Variants in ACER1 observed in about 807,000 individuals in gnomAD.
ACER1 encodes CTB-180A7.3.
In ACER1, 28 loss-of-function variants were observed where a neutral mutation model predicts 24.9. The observed-to-expected ratio is 1.13, with a 90% confidence interval of 0.83 to 1.54. The LOEUF (loss-of-function observed/expected upper bound fraction) is 1.54. ACER1 is among the 40% of genes most tolerant of loss of function. ACER1 has a pLI of 0.00. For missense variants in ACER1, 352 were observed against 349.3 expected (o/e 1.01, Z -0.06); for synonymous variants, 132 against 131.4 (o/e 1.00, Z -0.03).
chr19:6,307,069 C>T (rs2091555944), intron 5 of ACER1, 84 bp downstream of exon 5: 1 of 1,574,088 alleles, frequency 6.4e-7, no homozygotes, highest in Non-Finnish European at 8.6e-7. Context: ...TTCTCCAACC[C>T]CAGCCCCCAG....
chr19:6,344,458 T>G, the ACER1 span, among the ~76,000 whole-genome samples: 5 of 151,678 alleles, frequency 3.3e-5, no homozygotes, highest in Non-Finnish European at 4.4e-5. Context: ...ATAAATAAAT[T>G]TATTTATTTA....
chr19:6,347,109 A>AAAAAAAAAATATATATATATATAT, the ACER1 span, among the ~76,000 whole-genome samples: 1 of 113,778 alleles, frequency 8.8e-6, no homozygotes, highest in African/African-American at 5.1e-5. Context: ...AAAAAAAAAA[A>AAAAAAAAAATATATATATATATAT]ATATATATAT....
At chr19:6,320,024 C>T (rs745989107) in intron 1 of ACER1, among the ~76,000 whole-genome samples, 1 of 149,654 alleles carries the variant, frequency 6.7e-6, no homozygotes, top group Non-Finnish European at 1.5e-5. Context: ...ACAGGAGAAT[C>T]GCTTGAACGT....
chr19:6,357,687 G>A, the ACER1 span, among the ~76,000 whole-genome samples: 23 of 151,658 alleles, frequency 1.5e-4, no homozygotes, highest in Admixed American at 1.4e-3. Context: ...CGCTTGAACC[G>A]GAGAGGCAGA....
the ACER1 span, among the ~76,000 whole-genome samples, chr19:6,345,392 C>T: frequency 6.6e-6 from 1 of 152,036 alleles, no homozygotes; most frequent in East Asian, 1.9e-4. Flanking sequence ...GATTCAAGCA[C>T]ATTACATTTA....
At chr19:6,331,453 A>T in intron 1 of ACER1, among the ~76,000 whole-genome samples, 3 of 147,310 alleles carry the variant, frequency 2.0e-5, no homozygotes, top group African/African-American at 7.5e-5. Context: ...CCAGCCAGCA[A>T]GCACTCTTCT....
chr19:6,337,645 TTTTCTTTCTTTCTTTC>T (rs1568315504), upstream of ACER1, among the ~76,000 whole-genome samples: 2 of 96,146 alleles, frequency 2.1e-5, no homozygotes, highest in African/African-American at 1.1e-4. Context: ...TTTTCTTTTC[TTTTCTTTCTTTCTTTC>T]TTTTTTTTTT....
the ACER1 span, among the ~76,000 whole-genome samples, chr19:6,358,806 G>A: frequency 1.3e-5 from 2 of 151,142 alleles, no homozygotes; most frequent in Non-Finnish European, 2.9e-5. Flanking sequence ...GGTGGTGGGC[G>A]CCTGTAATCC....
At chr19:6,337,046 C>T (rs1016974563), upstream of ACER1, among the ~76,000 whole-genome samples, 2 of 151,138 alleles carry the variant, frequency 1.3e-5, no homozygotes, top group Admixed American at 6.6e-5. Context: ...TGTGGTGGCA[C>T]GCGCCTGTAA....
At chr19:6,358,185 C>T in the ACER1 span, among the ~76,000 whole-genome samples, 3 of 152,202 alleles carry the variant, frequency 2.0e-5, no homozygotes, top group Admixed American at 6.5e-5. Context: ...TGCCCTCCTA[C>T]CTCCTCAATC....
At chr19:6,327,353 C>T (rs1456813046) in intron 1 of ACER1, among the ~76,000 whole-genome samples, 1 of 152,062 alleles carries the variant, frequency 6.6e-6, no homozygotes, top group Non-Finnish European at 1.5e-5. Context: ...ATCACAAAGT[C>T]AGGAGATCGA....
the ACER1 span, among the ~76,000 whole-genome samples, chr19:6,355,405 T>C: frequency 1.9e-5 from 2 of 106,218 alleles, no homozygotes. Flanking sequence ...CGCGACCCCA[T>C]CTGGGAGGTG....
At chr19:6,323,047 G>A (rs1233927965) in intron 1 of ACER1, among the ~76,000 whole-genome samples, 2 of 152,092 alleles carry the variant, frequency 1.3e-5, no homozygotes, top group Non-Finnish European at 2.9e-5. Flanking sequence ...GGGAGGCAGA[G>A]GTTTCGGTGA....
At chr19:6,318,050 G>A (rs956986174) in intron 1 of ACER1, among the ~76,000 whole-genome samples, 3 of 151,970 alleles carry the variant, frequency 2.0e-5, no homozygotes, top group South Asian at 2.1e-4. Flanking sequence ...GGCTGGGCGC[G>A]GTGGCTCACA....
At position 6,333,572 on chromosome 19, in the gene ACER1, C is replaced by A; in HGVS notation, c.-21G>T. On this transcript the variant is annotated 5_prime_UTR_variant, in exon 1 of 6. Coordinates refer to ENST00000301452, the MANE Select transcript of ACER1 (RefSeq NM_133492.3). ...GGCATCTTGTCTCAGTGGCCACCAC[C>A]AGCCGGCTGCGCCCGGCAGAGAGAA... The A allele has an allele frequency of 6.4e-7, 1 of 1,556,852 alleles. No individual in the cohort carries two copies. Among genetic ancestry groups the A allele is most frequent in the Middle Eastern group, 1.7e-4 (1 of 5,962 alleles).
At chr19:6,315,734 C>G (rs1351476614) in intron 1 of ACER1, among the ~76,000 whole-genome samples, 3 of 152,134 alleles carry the variant, frequency 2.0e-5, no homozygotes, top group East Asian at 3.9e-4. Flanking sequence ...AGGCTGGTCT[C>G]TAACTCCAGG....
At chr19:6,347,109 A>AAATATATATATATATATATATATAT in the ACER1 span, among the ~76,000 whole-genome samples, 3 of 113,818 alleles carry the variant, frequency 2.6e-5, no homozygotes, top group African/African-American at 1.5e-4. Flanking sequence ...AAAAAAAAAA[A>AAATATATATATATATATATATATAT]ATATATATAT....
In ACER1 at chr19:6,312,224, A is replaced by G. The variant is rs190388447; in HGVS notation, c.275T>C (p.Ile92Thr). ...FLGQLLDEIA[I>T]LWLLGSGYSI... is the part of the protein sequence containing the mutation. The stretch of plus-strand genomic sequence containing the variant: ...ATAGCCACTGCCCAGGAGCCACAGG[A>G]TGGCGATCTCGTCCAGCAGCTGGCC... The change falls in exon 3 of 6, where the codon ATC becomes ACC. Residue 92 changes from isoleucine to threonine, a missense_variant. Transcript: ENST00000301452. The G allele has an allele frequency of 6.2e-7, 1 of 1,614,072 alleles. No individual in the cohort carries two copies. Among genetic ancestry groups the G allele is most frequent in the East Asian group, 2.2e-5 (1 of 44,886 alleles).
At chr19:6,311,944 G>C (rs1405967016) in intron 3 of ACER1, among the ~76,000 whole-genome samples, 2 of 152,094 alleles carry the variant, frequency 1.3e-5, no homozygotes, top group African/African-American at 4.8e-5. Flanking sequence ...GGGATTCCAA[G>C]AAACCAGGTA....
Sources: gnomAD v4.1 joint callset for allele counts (sites outside exome capture counted in the v4.1 genomes callset) on GRCh38, gnomAD v4.1.1 for gene constraint, MANE v1.5 for transcripts, NCBI Gene and HGNC (gene_info 2026-07-23, HGNC 2026-07-21) for gene names.